CNTN3: variants seen among roughly 807,000 people sequenced by gnomAD.
CNTN3 encodes contactin-3.
CNTN3 carries 60 observed loss-of-function variants against 119.1 expected under a neutral mutation model. The observed-to-expected ratio is 0.50, with a 90% CI of 0.41 to 0.62. The LOEUF is 0.62. CNTN3 is among the 20% of genes least tolerant of loss of function. The pLI, the probability that CNTN3 is intolerant of heterozygous loss-of-function variation, is 0.00. For synonymous variants in CNTN3, 450 were observed against 438.7 expected (o/e 1.03, Z -0.32); for missense variants, 1,101 against 1,242.4 (o/e 0.89, Z 1.71).
At chr3:74,459,012 A>G (rs1000501252) in intron 4 of CNTN3, among the ~76,000 whole-genome samples, 3 of 152,056 alleles carry the variant, frequency 2.0e-5, no homozygotes, top group East Asian at 1.9e-4. Flanking sequence ...TTTTTATTCA[A>G]TGAAAGACTG....
chr3:74,559,740 T>C (rs533885487), intron 1 of CNTN3, among the ~76,000 whole-genome samples: 5 of 152,312 alleles, frequency 3.3e-5, no homozygotes, highest in African/African-American at 1.2e-4. Context: ...CTATTTTATT[T>C]CAATCTGTTT....
intron 11 of CNTN3, among the ~76,000 whole-genome samples, chr3:74,350,254 G>A (rs914621150): frequency 1.3e-5 from 2 of 151,998 alleles, no homozygotes; most frequent in African/African-American, 4.8e-5. Flanking sequence ...TAAGGCATCT[G>A]AGCAACATGA....
At chr3:74,354,310 A>G (rs1703884189) in intron 11 of CNTN3, among the ~76,000 whole-genome samples, 2 of 152,132 alleles carry the variant, frequency 1.3e-5, no homozygotes, top group Admixed American at 1.3e-4. Context: ...AATATTTACT[A>G]TTATAAGCAA....
rs1026947480 is a variant in CNTN3 at position 74,614,419 on chromosome 3, C to A, written c.-109G>T. ...GTCTCTGCAGCTCGCCAGACGCCCG[C>A]CCCGACGGCCCACTCGCCGCCGCCG... On this transcript the variant is annotated 5_prime_UTR_variant, in exon 1 of 23. Transcript: ENST00000263665. 1.4e-5 allele frequency among the ~76,000 whole-genome samples: 2 copies of A among 146,822 alleles called. No individual in the cohort carries two copies. Among genetic ancestry groups the A allele is most frequent in the African/African-American group, 5.0e-5 (2 of 39,686 alleles).
intron 4 of CNTN3, among the ~76,000 whole-genome samples, chr3:74,439,261 C>G (rs1012006468): frequency 6.6e-6 from 1 of 152,088 alleles, no homozygotes; most frequent in Non-Finnish European, 1.5e-5. Context: ...AGTCCTAGCA[C>G]TTTGGGAGGC....
At chr3:74,334,114 A>T (rs1703332801) in intron 13 of CNTN3, among the ~76,000 whole-genome samples, 1 of 152,200 alleles carries the variant, frequency 6.6e-6, no homozygotes, top group South Asian at 2.1e-4. Flanking sequence ...AAATCTTTCT[A>T]ATGTGGAATC....
At chr3:74,474,663 G>C (rs1463893221) in intron 4 of CNTN3, among the ~76,000 whole-genome samples, 1 of 152,030 alleles carries the variant, frequency 6.6e-6, no homozygotes, top group Non-Finnish European at 1.5e-5. Context: ...CCAACTGAGA[G>C]TCCCCTTTAG....
intron 16 of CNTN3, among the ~76,000 whole-genome samples, chr3:74,300,498 G>A (rs1424094681): frequency 2.6e-5 from 4 of 152,186 alleles, no homozygotes; most frequent in African/African-American, 7.2e-5. Context: ...GGTCACAGCT[G>A]TACTTGCAAT....
chr3:74,430,892 C>G (rs1701772882), intron 4 of CNTN3, among the ~76,000 whole-genome samples: 1 of 152,144 alleles, frequency 6.6e-6, no homozygotes, highest in South Asian at 2.1e-4. Context: ...CCCCACGTTA[C>G]CTACAGGATA....
chr3:74,270,066 T>C (rs187635902), intron 20 of CNTN3, among the ~76,000 whole-genome samples: 1 of 152,310 alleles, frequency 6.6e-6, no homozygotes, highest in East Asian at 1.9e-4. Context: ...ACATGACTAG[T>C]GAGAAGTATT....
chr3:74,475,746 C>A (rs1032542524), intron 4 of CNTN3, among the ~76,000 whole-genome samples: 1 of 152,062 alleles, frequency 6.6e-6, no homozygotes, highest in Non-Finnish European at 1.5e-5. Flanking sequence ...TGAAAATGCA[C>A]CAACTCACTA....
At chr3:74,588,612 G>A (rs918149628) in intron 1 of CNTN3, among the ~76,000 whole-genome samples, 1 of 151,894 alleles carries the variant, frequency 6.6e-6, no homozygotes, top group Non-Finnish European at 1.5e-5. Flanking sequence ...CTACTTTAAC[G>A]TTCCTATGGA....
At chr3:74,299,480 GGCAACAGCC>G in intron 17 of CNTN3, among the ~76,000 whole-genome samples, 1 of 152,252 alleles carries the variant, frequency 6.6e-6, no homozygotes, top group African/African-American at 2.4e-5. Flanking sequence ...GAGCTTGAGG[GGCAACAGCC>G]GCAACATAAC....
intron 4 of CNTN3, among the ~76,000 whole-genome samples, chr3:74,484,923 T>C (rs1030828439): frequency 6.6e-6 from 1 of 152,206 alleles, no homozygotes; most frequent in Admixed American, 6.6e-5. Flanking sequence ...AATTTTTTAA[T>C]GTAACATAGT....
intron 3 of CNTN3, among the ~76,000 whole-genome samples, chr3:74,493,791 T>A (rs1282470667): frequency 6.6e-6 from 1 of 152,170 alleles, no homozygotes; most frequent in Non-Finnish European, 1.5e-5. Context: ...TATTCAATAC[T>A]TTATCCAAAA....
intron 4 of CNTN3, among the ~76,000 whole-genome samples, chr3:74,473,181 CG>C (rs1445971098): frequency 2.7e-5 from 4 of 146,042 alleles, no homozygotes; most frequent in Non-Finnish European, 6.0e-5. Flanking sequence ...AACAGAAAAG[CG>C]AAAAAAAAAA....
chr3:74,411,090 T>G (rs1314401384), intron 5 of CNTN3, among the ~76,000 whole-genome samples: 1 of 152,120 alleles, frequency 6.6e-6, no homozygotes, highest in East Asian at 1.9e-4. Flanking sequence ...TTTCTTTCTT[T>G]TGTTGTTTCT....
At chr3:74,319,702 A>G (rs1360413791) in intron 13 of CNTN3, among the ~76,000 whole-genome samples, 1 of 152,082 alleles carries the variant, frequency 6.6e-6, no homozygotes, top group East Asian at 1.9e-4. Context: ...TGCACAGCAA[A>G]AGAAACTACC....
chr3:74,457,426 C>T (rs996216487), intron 4 of CNTN3, among the ~76,000 whole-genome samples: 5 of 152,074 alleles, frequency 3.3e-5, no homozygotes, highest in African/African-American at 1.2e-4. Flanking sequence ...ATTACCTAAA[C>T]TCTTTGAGAC....
Sources: allele counts gnomAD v4.1 joint callset (sites outside exome capture counted in the v4.1 genomes callset), GRCh38; gene constraint gnomAD v4.1.1; transcripts MANE v1.5; gene names NCBI Gene and HGNC (gene_info 2026-07-23, HGNC 2026-07-21).